ADCY2: variants seen among roughly 807,000 people sequenced by gnomAD.
The protein encoded by ADCY2 is adenylate cyclase type 2.
Under a neutral mutation model 125.2 loss-of-function variants are expected in ADCY2, and 31 were observed. The observed-to-expected ratio is 0.25, with a 90% CI of 0.19 to 0.33. ADCY2 has a LOEUF of 0.33. Among genes scored for constraint, ADCY2 ranks in the 10% least tolerant of loss-of-function variants. The pLI is 1.00. For synonymous variants in ADCY2, 512 were observed against 548.4 expected (o/e 0.93, Z 0.93); for missense variants, 904 against 1,418.2 (o/e 0.64, Z 5.82).
chr5:7,669,855 A>G (rs1355720382), intron 4 of ADCY2, among the ~76,000 whole-genome samples: 1 of 152,194 alleles, frequency 6.6e-6, no homozygotes, highest in Non-Finnish European at 1.5e-5. Flanking sequence ...CAGAGACAGG[A>G]TAGATGACAC....
At chr5:7,507,606 A>T (rs1337497731) in intron 2 of ADCY2, among the ~76,000 whole-genome samples, 1 of 152,160 alleles carries the variant, frequency 6.6e-6, no homozygotes, top group East Asian at 1.9e-4. Flanking sequence ...TTTCTGATAA[A>T]CATTGCTTTA....
intron 4 of ADCY2, among the ~76,000 whole-genome samples, chr5:7,683,270 C>A (rs985519549): frequency 6.6e-6 from 1 of 152,196 alleles, no homozygotes; most frequent in East Asian, 1.9e-4. Flanking sequence ...GGGCACACCA[C>A]GTGAGTGAAT....
At chr5:7,530,367 A>T (rs1440281594) in intron 3 of ADCY2, among the ~76,000 whole-genome samples, 1 of 152,210 alleles carries the variant, frequency 6.6e-6, no homozygotes, top group African/African-American at 2.4e-5. Context: ...GTTGGATCAT[A>T]CATGTGTAAG....
intron 22 of ADCY2, among the ~76,000 whole-genome samples, chr5:7,813,939 C>CT (rs1745020629): frequency 6.6e-6 from 1 of 152,044 alleles, no homozygotes; most frequent in Non-Finnish European, 1.5e-5. Context: ...GATTTAACAG[C>CT]TTGTGCCTCC....
chr5:7,501,608 T>C, intron 2 of ADCY2, among the ~76,000 whole-genome samples: 1 of 120,262 alleles, frequency 8.3e-6, no homozygotes. Context: ...GATTAGATGT[T>C]TCCTCATATC....
chr5:7,785,388 G>A (rs374216128), intron 19 of ADCY2, among the ~76,000 whole-genome samples: 16 of 152,272 alleles, frequency 1.1e-4, no homozygotes, highest in Middle Eastern at 3.4e-3. Context: ...TGCATCCTCC[G>A]TAGGAGCTCA....
At chr5:7,784,079 A>G (rs2039013674) in intron 18 of ADCY2, among the ~76,000 whole-genome samples, 1 of 152,254 alleles carries the variant, frequency 6.6e-6, no homozygotes, top group African/African-American at 2.4e-5. Context: ...CTGATCCCAG[A>G]AGTATAAAGA....
At chr5:7,714,939 G>A (rs1741551072) in intron 11 of ADCY2, among the ~76,000 whole-genome samples, 1 of 152,254 alleles carries the variant, frequency 6.6e-6, no homozygotes, top group Non-Finnish European at 1.5e-5. Flanking sequence ...GAGCCAGGGA[G>A]ACAGAATGGA....
intron 2 of ADCY2, among the ~76,000 whole-genome samples, chr5:7,442,626 G>T (rs1741057815): frequency 6.6e-6 from 1 of 151,858 alleles, no homozygotes; most frequent in Admixed American, 6.6e-5. Flanking sequence ...TCATTTCTTG[G>T]TTTCATCTCT....
chr5:7,706,517 A>C (rs1741271530), intron 7 of ADCY2, among the ~76,000 whole-genome samples: 1 of 152,222 alleles, frequency 6.6e-6, no homozygotes. Flanking sequence ...TCATCACTAT[A>C]GTCTGGCCTG....
At chr5:7,619,915 T>A (rs938578700) in intron 3 of ADCY2, among the ~76,000 whole-genome samples, 12 of 152,228 alleles carry the variant, frequency 7.9e-5, no homozygotes, top group African/African-American at 2.9e-4. Flanking sequence ...CAAGTTTGGA[T>A]TTCTGCATGG....
chr5:7,396,535 C>A lies in ADCY2; in HGVS notation c.210+29C>A. ...AGTGGCCTCCCCGCGGGTCCAGCGC[C>A]GCGCCTTCCCCGGCCCTGAGAGGAG... is the stretch of plus-strand genomic sequence containing the variant. On this transcript the variant is annotated intron_variant, in intron 1 of 24. Transcript: ENST00000338316. This position sits in a 1 kb window ranked among gnomAD's most constrained non-coding sequence, Gnocchi z 5.7. 6.5e-7 allele frequency: 1 copy of A among 1,538,390 alleles called. No individual in the cohort carries two copies. The highest frequency in any genetic ancestry group is 1.2e-5 in the South Asian group (1 of 85,766).
chr5:7,617,132 G>A (rs899432489), intron 3 of ADCY2, among the ~76,000 whole-genome samples: 1 of 152,060 alleles, frequency 6.6e-6, no homozygotes, highest in South Asian at 2.1e-4. Flanking sequence ...GATCTTTTGT[G>A]TTCTGCCATG....
At chr5:7,652,897 G>A (rs1271414605) in intron 4 of ADCY2, among the ~76,000 whole-genome samples, 1 of 152,190 alleles carries the variant, frequency 6.6e-6, no homozygotes, top group Non-Finnish European at 1.5e-5. Flanking sequence ...AGTGAGCTCT[G>A]TGAAGAGAGC....
In ADCY2 at chr5:7,827,121, G is replaced by C. The variant is rs1188634081; in HGVS notation, c.*250G>C. ...CGCGCGTGATAGAAGAAAAGCACTG[G>C]GAGAACTAACAGAGGAGAAAGGTGA... On this transcript the variant is annotated 3_prime_UTR_variant, in exon 25 of 25. Coordinates refer to ENST00000338316, the MANE Select transcript of ADCY2 (RefSeq NM_020546.3). The C allele has an allele frequency of 1.4e-5, 6 of 423,646 alleles. No individual in the cohort carries two copies. Among genetic ancestry groups the C allele is most frequent in the African/African-American group, 1.2e-4 (6 of 49,742 alleles). The allele number at this position is 423,646 out of a possible 1,614,324, so 26.2% of individuals were successfully genotyped here.
At chr5:7,582,438 G>A (rs1157520359) in intron 3 of ADCY2, among the ~76,000 whole-genome samples, 2 of 151,934 alleles carry the variant, frequency 1.3e-5, no homozygotes, top group Non-Finnish European at 2.9e-5. Flanking sequence ...CAGAATAACC[G>A]AGATACTAAA....
At chr5:7,598,158 C>T (rs1028126906) in intron 3 of ADCY2, among the ~76,000 whole-genome samples, 6 of 152,312 alleles carry the variant, frequency 3.9e-5, no homozygotes, top group South Asian at 2.1e-4. Flanking sequence ...AAAAAGCTTT[C>T]GTCTTTTAGT....
chr5:7,397,720 C>T (rs1369169378), intron 1 of ADCY2, among the ~76,000 whole-genome samples: 2 of 151,982 alleles, frequency 1.3e-5, no homozygotes. Context: ...AAAAATTCCC[C>T]CACACCACTC....
intron 2 of ADCY2, among the ~76,000 whole-genome samples, chr5:7,417,784 C>G (rs1561014108): frequency 6.6e-6 from 1 of 152,168 alleles, no homozygotes; most frequent in Non-Finnish European, 1.5e-5. Flanking sequence ...ACACCCCTCT[C>G]TTTGTTTATT....
Sources: allele counts gnomAD v4.1 joint callset (sites outside exome capture counted in the v4.1 genomes callset), GRCh38; gene constraint gnomAD v4.1.1; non-coding constraint Gnocchi (gnomAD v3.1); transcripts MANE v1.5; gene names NCBI Gene and HGNC (gene_info 2026-07-23, HGNC 2026-07-21).